SOCS5: variants seen among roughly 807,000 people sequenced by gnomAD.
SOCS5 encodes suppressor of cytokine signaling 5.
Under a neutral mutation model 42.8 loss-of-function variants are expected in SOCS5, and 32 were observed. The ratio of observed to expected loss-of-function variants is 0.75; its 90% CI spans 0.56 to 1.01. SOCS5 has a LOEUF of 1.01. Among genes scored for constraint, SOCS5 ranks in the 50% least tolerant of loss-of-function variants. The pLI is 0.00. For synonymous variants in SOCS5, 283 were observed against 229.6 expected, an observed-to-expected ratio of 1.23 and a Z score of -2.10; for missense variants, 627 against 653.0, an observed-to-expected ratio of 0.96 and a Z score of 0.43.
At position 46,727,657 on chromosome 2, in the gene SOCS5, G is replaced by A. The variant is rs556360974; in HGVS notation, c.-13+28208G>A. Among the ~76,000 whole-genome samples, 7 of 152,236 alleles carry A rather than the reference G, an allele frequency of 4.6e-5. No individual in the cohort carries two copies. The South Asian group carries it at 8.3e-4, about 18-fold the overall frequency. ...AGTCTGATACTGTTCCAGTCAGTTC[G>A]AGATAGGTGGTAATCTCTCTCTTAG... On this transcript the variant is annotated intron_variant, in intron 1 of 1. Coordinates refer to ENST00000394861, the MANE Select transcript of SOCS5 (RefSeq NM_144949.3).
intron 1 of SOCS5, among the ~76,000 whole-genome samples, chr2:46,712,488 C>T (rs943059341): frequency 1.8e-4 from 28 of 152,118 alleles, no homozygotes; most frequent in Non-Finnish European, 2.6e-4. Context: ...GGACTATAGG[C>T]GCGTGCCACC....
At chr2:46,730,619 T>C (rs778211378) in intron 1 of SOCS5, among the ~76,000 whole-genome samples, 1 of 152,106 alleles carries the variant, frequency 6.6e-6, no homozygotes, top group Non-Finnish European at 1.5e-5. Flanking sequence ...GAATGGCCCA[T>C]ATTTGGAGAA....
At chr2:46,734,997 C>T (rs1673211151) in intron 1 of SOCS5, among the ~76,000 whole-genome samples, 1 of 152,186 alleles carries the variant, frequency 6.6e-6, no homozygotes. Context: ...CCTGAAATTC[C>T]ATTTTCCACT....
chr2:46,707,560 G>A (rs1672524417), intron 1 of SOCS5, among the ~76,000 whole-genome samples: 3 of 152,194 alleles, frequency 2.0e-5, no homozygotes, highest in Admixed American at 6.5e-5. Context: ...TAGGAAATCA[G>A]ACTAGGACCG....
At chr2:46,701,814 T>TTTTTTTTTTTTTGAGACCG (rs1179250595) in intron 1 of SOCS5, among the ~76,000 whole-genome samples, 1 of 136,442 alleles carries the variant, frequency 7.3e-6, no homozygotes, top group African/African-American at 2.9e-5. Context: ...CTATAATTTT[T>TTTTTTTTTTTTTGAGACCG]ATGCTAAAAT....
At chr2:46,717,690 T>G (rs144737845) in intron 1 of SOCS5, among the ~76,000 whole-genome samples, 1 of 152,340 alleles carries the variant, frequency 6.6e-6, no homozygotes, top group African/African-American at 2.4e-5. Flanking sequence ...TCTTTGGTTT[T>G]ATGCAATTTT....
At position 46,758,671 on chromosome 2, in the gene SOCS5, A is replaced by G. The variant is rs1317808296; in HGVS notation, c.141A>G (p.Ile47Met). 3 of 1,614,086 alleles carry G rather than the reference A, an allele frequency of 1.9e-6. No homozygotes were observed. The highest frequency in any genetic ancestry group is 1.3e-5 in the African/African-American group (1 of 74,944). ...CTGTCAAAGAGAAAAACATCAGCAT[A>G]GGAGACTCAACTCCTCAGCAACAAA... ...CLSVKEKNIS[I>M]GDSTPQQQSS... Residue 47 changes from isoleucine (I) to methionine (M), a missense_variant, in exon 2 of 2, where the codon ATA becomes ATG. Coordinates refer to ENST00000394861, the MANE Select transcript of SOCS5 (RefSeq NM_144949.3).
intron 1 of SOCS5, among the ~76,000 whole-genome samples, chr2:46,726,757 A>G (rs1673001315): frequency 6.7e-6 from 1 of 149,734 alleles, no homozygotes; most frequent in Admixed American, 6.7e-5. Context: ...TATTATTATT[A>G]TTATTATTAT....
At chr2:46,707,952 G>A (rs1485854020) in intron 1 of SOCS5, among the ~76,000 whole-genome samples, 1 of 152,122 alleles carries the variant, frequency 6.6e-6, no homozygotes, top group African/African-American at 2.4e-5. Context: ...CACGAAGTCT[G>A]TTTTATAATA....
chr2:46,737,760 C>A (rs552109912), intron 1 of SOCS5, among the ~76,000 whole-genome samples: 1 of 152,140 alleles, frequency 6.6e-6, no homozygotes, highest in South Asian at 2.1e-4. Context: ...CTGGCCAACT[C>A]ACACACCAGT....
chr2:46,730,648 A>AT (rs992041200), intron 1 of SOCS5, among the ~76,000 whole-genome samples: 2 of 152,130 alleles, frequency 1.3e-5, no homozygotes, highest in Non-Finnish European at 2.9e-5. Context: ...ATTTCATACA[A>AT]TTTTTTCCCA....
At chr2:46,747,608 A>G (rs1052911152) in intron 1 of SOCS5, among the ~76,000 whole-genome samples, 1 of 152,184 alleles carries the variant, frequency 6.6e-6, no homozygotes. Context: ...GGGCTGTTAC[A>G]CTTTTTAAGG....
chr2:46,759,683 G>T lies in SOCS5; in HGVS notation c.1153G>T (p.Val385Leu). Residue 385 changes from valine (V) to leucine (L), a missense_variant, in exon 2 of 2, where the codon GTG (valine) becomes TTG (leucine). Val to Leu is a conservative substitution (Grantham distance 32, BLOSUM62 1). Around this residue, in one of 3 missense-constraint regions of SOCS5, gnomAD observed 340 missense variants for 367.6 expected, o/e 0.92. Transcript: ENST00000394861. ...TACAGGGAATCCCTGTTACTGGGGAGTGATGGACCGTTATGAAGCAGAAGC... is the reference window on the plus strand; with the variant it reads ...TACAGGGAATCCCTGTTACTGGGGATTGATGGACCGTTATGAAGCAGAAGC... The part of the protein sequence containing the change: ...QITGNPCYWG[V>L]MDRYEAEALL... The T allele has an allele frequency of 1.2e-6, 2 of 1,614,146 alleles. No individual in the cohort carries two copies. Among genetic ancestry groups the T allele is most frequent in the Non-Finnish European group, 1.7e-6 (2 of 1,180,008 alleles).
chr2:46,718,872 A>G (rs1486138353), intron 1 of SOCS5, among the ~76,000 whole-genome samples: 1 of 152,214 alleles, frequency 6.6e-6, no homozygotes, highest in Non-Finnish European at 1.5e-5. Flanking sequence ...CAGCTTTCTA[A>G]ATGGCAGTTT....
At chr2:46,730,765 C>G (rs934324624) in intron 1 of SOCS5, among the ~76,000 whole-genome samples, 2 of 152,180 alleles carry the variant, frequency 1.3e-5, no homozygotes, top group East Asian at 3.9e-4. Flanking sequence ...TTTCCGGAGT[C>G]TGCTTTATTA....
In SOCS5 at chr2:46,747,011, G is replaced by A. The variant is rs376061986; in HGVS notation, c.-12-11508G>A. 1.2e-4 allele frequency among the ~76,000 whole-genome samples: 17 copies of A among 139,676 alleles called. No homozygotes were observed. In the South Asian group the frequency reaches 4.0e-3, roughly 32 times the overall value. The allele number at this position is 139,676 out of a possible 152,430, so 91.6% of individuals were successfully genotyped here. On this transcript the variant is annotated intron_variant, in intron 1 of 1. Coordinates refer to ENST00000394861, the MANE Select transcript of SOCS5 (RefSeq NM_144949.3). ...CTGGCCATCAGTGATTACATATCAA[G>A]GTTGCTAGACAGATTTGTTTCTTCT...
intron 1 of SOCS5, among the ~76,000 whole-genome samples, chr2:46,709,991 T>C (rs1427544664): frequency 6.6e-6 from 1 of 152,164 alleles, no homozygotes; most frequent in Non-Finnish European, 1.5e-5. Context: ...CCACCCCCCA[T>C]GCTTGAATTC....
intron 1 of SOCS5, among the ~76,000 whole-genome samples, chr2:46,736,647 TA>T (rs1314138763): frequency 3.3e-5 from 5 of 152,170 alleles, no homozygotes; most frequent in African/African-American, 1.2e-4. Flanking sequence ...TAGCATGTGT[TA>T]GAATATCCTT....
chr2:46,708,839 G>C (rs185381897), intron 1 of SOCS5, among the ~76,000 whole-genome samples: 2 of 150,766 alleles, frequency 1.3e-5, no homozygotes, highest in African/African-American at 4.9e-5. Context: ...GCTTCTTTGG[G>C]CTGGTGAAGT....
Sources: allele counts gnomAD v4.1 joint callset (sites outside exome capture counted in the v4.1 genomes callset), GRCh38; gene constraint gnomAD v4.1.1; regional missense constraint gnomAD v4.1.1; transcripts MANE v1.5; gene names NCBI Gene and HGNC (gene_info 2026-07-23, HGNC 2026-07-21).